ANO4: variants seen among roughly 807,000 people sequenced by gnomAD.
ANO4 encodes the protein anoctamin-4.
Under a neutral mutation model 141.9 loss-of-function variants are expected in ANO4, and 69 were observed. The observed-to-expected ratio is 0.49, with a 90% CI of 0.40 to 0.59. The LOEUF (loss-of-function observed/expected upper bound fraction) is 0.59, where lower values mean the gene tolerates loss of function less well. Among genes scored for constraint, ANO4 ranks in the 20% least tolerant of loss-of-function variants. The pLI is 0.00. For synonymous variants in ANO4, 350 were observed against 394.3 expected (o/e 0.89, Z 1.33); for missense variants, 894 against 1,162.2 (o/e 0.77, Z 3.36).
intron 1 of ANO4, among the ~76,000 whole-genome samples, chr12:100,800,399 T>A (rs2034608911): frequency 6.6e-6 from 1 of 152,226 alleles, no homozygotes; most frequent in Non-Finnish European, 1.5e-5. Flanking sequence ...GTCTTTTCAT[T>A]GTCAGCCAGT....
chr12:100,845,182 G>A (rs1293072254), intron 1 of ANO4, among the ~76,000 whole-genome samples: 3 of 152,090 alleles, frequency 2.0e-5, no homozygotes. Context: ...AGATTACAGG[G>A]AGTGAGAGAG....
intron 17 of ANO4, among the ~76,000 whole-genome samples, chr12:101,090,499 C>T (rs1182887025): frequency 1.3e-5 from 2 of 152,094 alleles, no homozygotes; most frequent in East Asian, 1.9e-4. Context: ...ATCGCAAGGA[C>T]AGAAAACCAA....
chr12:100,917,722 A>G (rs191843559), intron 2 of ANO4, among the ~76,000 whole-genome samples: 125 of 152,306 alleles, frequency 8.2e-4, no homozygotes, highest in Non-Finnish European at 1.3e-3. Flanking sequence ...AGACCATTAC[A>G]TTATACTCTA....
chr12:100,980,207 G>A (rs1254032609), intron 7 of ANO4, among the ~76,000 whole-genome samples: 3 of 152,186 alleles, frequency 2.0e-5, no homozygotes, highest in Non-Finnish European at 2.9e-5. Flanking sequence ...AAATCCCAAC[G>A]AAGGTAGTTG....
intron 14 of ANO4, chr12:101,068,582 A>C: frequency 7.1e-7 from 1 of 1,405,518 alleles, no homozygotes; most frequent in Non-Finnish European, 1.0e-6. Context: ...TGGCTTCTTC[A>C]AAAGTGTGGT....
At chr12:100,996,762 CTG>C (rs1443285202) in intron 8 of ANO4, among the ~76,000 whole-genome samples, 1 of 152,308 alleles carries the variant, frequency 6.6e-6, no homozygotes, top group East Asian at 1.9e-4. Flanking sequence ...CTGAGATTCT[CTG>C]TAACATCCCT....
intron 1 of ANO4, among the ~76,000 whole-genome samples, chr12:100,826,993 C>T (rs778477913): frequency 1.3e-5 from 2 of 152,022 alleles, no homozygotes; most frequent in Non-Finnish European, 2.9e-5. Flanking sequence ...TTCTAACTGG[C>T]CGTCCTACTT....
intron 7 of ANO4, among the ~76,000 whole-genome samples, chr12:100,976,383 G>C (rs1055460611): frequency 3.9e-5 from 6 of 152,184 alleles, no homozygotes; most frequent in African/African-American, 1.4e-4. Context: ...AATTGCCTGC[G>C]AGCAAGCTTA....
At chr12:100,783,935 A>G (rs1372663486) in intron 3 of ANO4, among the ~76,000 whole-genome samples, 1 of 152,000 alleles carries the variant, frequency 6.6e-6, no homozygotes, top group Non-Finnish European at 1.5e-5. Flanking sequence ...AAGGGCAACT[A>G]ATTAGTGGGA....
At chr12:100,955,403 C>A (rs1046851410) in intron 5 of ANO4, among the ~76,000 whole-genome samples, 2 of 152,174 alleles carry the variant, frequency 1.3e-5, no homozygotes, top group Non-Finnish European at 2.9e-5. Context: ...GGCCTCTTCA[C>A]AGGCTGCCTA....
chr12:100,938,335 C>T (rs676527), intron 3 of ANO4, among the ~76,000 whole-genome samples: 86,150 of 152,102 alleles, frequency 0.57, 24,885 homozygotes, highest in Middle Eastern at 0.69. Context: ...AAGGTGCAAT[C>T]ATCACACAGC....
At chr12:100,740,738 C>T (rs2031828635) in intron 3 of ANO4, among the ~76,000 whole-genome samples, 1 of 152,112 alleles carries the variant, frequency 6.6e-6, no homozygotes, top group Non-Finnish European at 1.5e-5. Flanking sequence ...ATAGTTTTTA[C>T]ATTTTTAAAT....
intron 1 of ANO4, among the ~76,000 whole-genome samples, chr12:100,813,277 C>A (rs944933366): frequency 6.6e-6 from 1 of 152,130 alleles, no homozygotes; most frequent in South Asian, 2.1e-4. Context: ...ATTGTTTGGA[C>A]CCACGTTATT....
intron 13 of ANO4, among the ~76,000 whole-genome samples, chr12:101,045,827 G>A (rs1429341070): frequency 2.0e-5 from 3 of 152,178 alleles, no homozygotes; most frequent in African/African-American, 7.2e-5. Context: ...AGAAAAGATG[G>A]CTACCAGCTG....
intron 1 of ANO4, among the ~76,000 whole-genome samples, chr12:100,826,216 G>A (rs191259859): frequency 3.3e-5 from 5 of 151,734 alleles, no homozygotes; most frequent in Admixed American, 6.6e-5. Context: ...TATGAAAGAC[G>A]GAAACATTCA....
At chr12:100,739,033 C>A (rs868286403) in intron 2 of ANO4, among the ~76,000 whole-genome samples, 90 of 122,238 alleles carry the variant, frequency 7.4e-4, no homozygotes, top group African/African-American at 2.3e-3. Flanking sequence ...TATATATAAT[C>A]TCTAAATCTT....
intron 5 of ANO4, among the ~76,000 whole-genome samples, chr12:100,950,724 G>A (rs138382742): frequency 3.1e-4 from 47 of 152,304 alleles, no homozygotes; most frequent in Non-Finnish European, 5.6e-4. Context: ...GGGCCCCCAC[G>A]TCAGTCAGTC....
chr12:100,878,069 T>A (rs1194528745), intron 1 of ANO4, among the ~76,000 whole-genome samples: 1 of 152,160 alleles, frequency 6.6e-6, no homozygotes, highest in Non-Finnish European at 1.5e-5. Context: ...GTATCTCAGC[T>A]AGTTACCAAA....
intron 17 of ANO4, among the ~76,000 whole-genome samples, chr12:101,091,739 G>A (rs1292943711): frequency 6.7e-6 from 1 of 148,644 alleles, no homozygotes; most frequent in Non-Finnish European, 1.5e-5. Context: ...AACCTTGAGA[G>A]CTAGATTAAA....
Sources: allele counts gnomAD v4.1 joint callset (sites outside exome capture counted in the v4.1 genomes callset), GRCh38; gene constraint gnomAD v4.1.1; transcripts MANE v1.5; gene names NCBI Gene and HGNC (gene_info 2026-07-23, HGNC 2026-07-21).